NLRP14: variants seen among roughly 807,000 people sequenced by gnomAD.
The protein encoded by NLRP14 is NLR family pyrin domain containing 14, also known as NACHT, LRR and PYD domains-containing protein 14.
NLRP14 carries 105 observed loss-of-function variants against 94.7 expected under a neutral mutation model. The ratio of observed to expected loss-of-function variants is 1.11; its 90% CI spans 0.95 to 1.30. The LOEUF is 1.30. Among genes scored for constraint, NLRP14 ranks in the 50% most tolerant of loss-of-function variants. The pLI is 0.00. For synonymous variants in NLRP14, 508 were observed against 459.9 expected (o/e 1.10, Z -1.34); for missense variants, 1,362 against 1,254.1 (o/e 1.09, Z -1.30).
At chr11:7,089,706 C>A in the NLRP14 span, 2 of 1,523,074 alleles carry the variant, frequency 1.3e-6, no homozygotes, top group African/African-American at 1.4e-5. Flanking sequence ...CCCACCGCGC[C>A]GGGAGCCGCT....
chr11:7,030,586 G>A (rs1487336753), intron 1 of NLRP14, among the ~76,000 whole-genome samples: 4 of 150,018 alleles, frequency 2.7e-5, no homozygotes, highest in Admixed American at 6.7e-5. Context: ...ATTACCACCT[G>A]GTATACTACA....
chr11:7,049,541 A>C, intron 5 of NLRP14, 130 bp from the exon 6 acceptor site: 1 of 732,404 alleles, frequency 1.4e-6, no homozygotes, highest in South Asian at 1.7e-5. Flanking sequence ...TTATAACCCA[A>C]TTGTTTTAGA....
downstream of NLRP14, among the ~76,000 whole-genome samples, chr11:7,073,282 G>A (rs1852828904): frequency 6.6e-6 from 1 of 152,132 alleles, no homozygotes; most frequent in African/African-American, 2.4e-5. Flanking sequence ...GCCTTCCTTA[G>A]TTCACCACAA....
the NLRP14 span, chr11:7,090,224 A>G: frequency 1.2e-6 from 2 of 1,611,738 alleles, no homozygotes; most frequent in Non-Finnish European, 1.7e-6. Context: ...ACAGCCGGTC[A>G]GGCTGCAGGG....
At position 7,046,673 on chromosome 11, in the gene NLRP14, G is replaced by T. The variant is rs1050735188; in HGVS notation, c.1964G>T (p.Gly655Val). ...TCTCAATTATTTATGCAAAGGGATG[G>T]TGATCGCATTACTCACTGTTGGCAA... The part of the protein sequence containing the change: ...KTSLPTNTWD[G>V]DRITHCWQDL... Residue 655 changes from glycine (G) to valine (V), a missense_variant, in exon 5 of 12, where the codon GGT (glycine) becomes GTT (valine). Gly to Val is a moderately radical substitution (Grantham distance 109, BLOSUM62 -3). Coordinates refer to ENST00000299481, the MANE Select transcript of NLRP14 (RefSeq NM_176822.4). 1.2e-6 allele frequency: 2 copies of T among 1,613,244 alleles called. No homozygotes were observed. Among genetic ancestry groups the T allele is most frequent in the Non-Finnish European group, 8.5e-7 (1 of 1,179,186 alleles).
At chr11:7,046,287 T>C (rs1401594366) in intron 4 of NLRP14, among the ~76,000 whole-genome samples, 1 of 152,214 alleles carries the variant, frequency 6.6e-6, no homozygotes, top group Non-Finnish European at 1.5e-5. Flanking sequence ...TATACCACTT[T>C]ACACCTAATG....
chr11:7,023,387 T>G (rs1302175860), intron 1 of NLRP14, among the ~76,000 whole-genome samples: 1 of 146,396 alleles, frequency 6.8e-6, no homozygotes, highest in Non-Finnish European at 1.5e-5. Flanking sequence ...ATGTTTAGCT[T>G]GGAAATTTTT....
chr11:7,066,801 C>G (rs1852712792), intron 10 of NLRP14, among the ~76,000 whole-genome samples: 1 of 152,120 alleles, frequency 6.6e-6, no homozygotes, highest in African/African-American at 2.4e-5. Context: ...CCTAGGTTTT[C>G]TTGCAGGGTT....
At chr11:7,050,203 C>G (rs1266516541) in intron 6 of NLRP14, among the ~76,000 whole-genome samples, 2 of 152,140 alleles carry the variant, frequency 1.3e-5, no homozygotes, top group African/African-American at 4.8e-5. Flanking sequence ...GGGGGATGTT[C>G]TTTAATGTAA....
chr11:7,027,219 C>T (rs550081911), intron 1 of NLRP14, among the ~76,000 whole-genome samples: 1 of 151,468 alleles, frequency 6.6e-6, no homozygotes, highest in South Asian at 2.1e-4. Flanking sequence ...TAAAACAAAA[C>T]AATAAAATTT....
intron 1 of NLRP14, among the ~76,000 whole-genome samples, chr11:7,032,275 T>C (rs1852109849): frequency 6.6e-6 from 1 of 152,210 alleles, no homozygotes; most frequent in Admixed American, 6.5e-5. Context: ...GTTGTAATCT[T>C]CATATACCTG....
intron 2 of NLRP14, among the ~76,000 whole-genome samples, chr11:7,039,142 T>A (rs1242176772): frequency 9.1e-6 from 1 of 110,440 alleles, no homozygotes; most frequent in South Asian, 2.5e-4. Flanking sequence ...AATTGAGTGA[T>A]AGGAATTGTC....
Position 7,042,557 on chromosome 11 carries a change from G to A in NLRP14, c.531G>A (p.Gln177=), listed in dbSNP as rs141888194. The A allele has an allele frequency of 2.7e-5, 43 of 1,614,242 alleles. No individual in the cohort carries two copies. The African/African-American group carries it at 5.1e-4, about 19-fold the overall frequency. ...ATGTCAAAACCGGTGCACAGCCACA[G>A]ATCGTGGTGCTTCAGGGAGCTGCTG... is the stretch of plus-strand genomic sequence containing the variant. ...DVDVKTGAQP[Q]IVVLQGAAGV... Residue 177 remains glutamine (Q), a synonymous_variant, in exon 4 of 12, where the codon CAG becomes CAA. Coordinates refer to ENST00000299481, the MANE Select transcript of NLRP14 (RefSeq NM_176822.4).
Position 7,036,575 on chromosome 11 carries a change from C to A in NLRP14, c.-21-1991C>A, listed in dbSNP as rs1485958361. 2.6e-5 allele frequency among the ~76,000 whole-genome samples: 4 copies of A among 152,162 alleles called. No individual in the cohort carries two copies. The East Asian group carries it at 5.8e-4, about 22-fold the overall frequency. On this transcript the variant is annotated intron_variant, in intron 1 of 11. Coordinates refer to ENST00000299481, the MANE Select transcript of NLRP14 (RefSeq NM_176822.4). ...TATGGCACCTTGTTAAAGTTAGGTG[C>A]ATGCGTTAGCTTTTTTAATCCTTGC...
chr11:7,067,296 A>G (rs764205697), intron 10 of NLRP14, among the ~76,000 whole-genome samples: 2 of 152,182 alleles, frequency 1.3e-5, no homozygotes, highest in Non-Finnish European at 2.9e-5. Context: ...TTTGAGCAGT[A>G]TGGCCATTTT....
At chr11:7,027,380 G>C (rs71472625) in intron 1 of NLRP14, among the ~76,000 whole-genome samples, 2,603 of 152,108 alleles carry the variant, frequency 0.017, 41 homozygotes, top group Non-Finnish European at 0.024. Flanking sequence ...CTTCCTGGTT[G>C]ATTTATGGCT....
At chr11:7,035,219 G>A (rs1182481509) in intron 1 of NLRP14, among the ~76,000 whole-genome samples, 1 of 152,160 alleles carries the variant, frequency 6.6e-6, no homozygotes, top group Admixed American at 6.5e-5. Flanking sequence ...TACTTGGGTG[G>A]CTAAGCCATG....
intron 1 of NLRP14, among the ~76,000 whole-genome samples, chr11:7,033,515 A>C (rs148841396): frequency 6.6e-6 from 1 of 152,268 alleles, no homozygotes; most frequent in Admixed American, 6.5e-5. Context: ...ACATTTTTCT[A>C]TTCCTGAATA....
At chr11:7,039,018 C>A in intron 2 of NLRP14, 143 bp downstream of exon 2, 1 of 756,290 alleles carries the variant, frequency 1.3e-6, no homozygotes, top group Non-Finnish European at 2.1e-6. Context: ...GCATGGGGAG[C>A]TTGTTGAATT....
Sources: allele counts gnomAD v4.1 joint callset (sites outside exome capture counted in the v4.1 genomes callset), GRCh38; gene constraint gnomAD v4.1.1; transcripts MANE v1.5; gene names NCBI Gene and HGNC (gene_info 2026-07-23, HGNC 2026-07-21).